NRXN1: variants seen among roughly 807,000 people sequenced by gnomAD.
The protein encoded by NRXN1 is neurexin 1, also known as neurexin-1.
In NRXN1, 39 loss-of-function variants were observed where a neutral mutation model predicts 150.9. The ratio of observed to expected loss-of-function variants is 0.26; its 90% CI spans 0.20 to 0.34. NRXN1 has a LOEUF of 0.34. Among genes scored for constraint, NRXN1 ranks in the 10% least tolerant of loss-of-function variants. The pLI, the probability that NRXN1 is intolerant of heterozygous loss-of-function variation, is 1.00. For missense variants in NRXN1, 1,815 were observed against 1,949.9 expected (o/e 0.93, Z 1.30); for synonymous variants, 924 against 757.0 (o/e 1.22, Z -3.62).
chr2:50,415,604 T>C (rs748832412), intron 17 of NRXN1, among the ~76,000 whole-genome samples: 2 of 152,200 alleles, frequency 1.3e-5, no homozygotes, highest in Non-Finnish European at 2.9e-5. Context: ...ACTGGAGGCA[T>C]GTGAAATATT....
chr2:50,495,882 GCT>G, intron 15 of NRXN1, 21 bp downstream of exon 15: 1 of 1,555,824 alleles, frequency 6.4e-7, no homozygotes, highest in Non-Finnish European at 8.7e-7. Context: ...AAGGCTCGTT[GCT>G]CTGACTTAAC....
intron 2 of NRXN1, among the ~76,000 whole-genome samples, chr2:51,020,058 G>GTT (rs553974870): frequency 6.9e-6 from 1 of 144,784 alleles, no homozygotes; most frequent in African/African-American, 2.5e-5. Context: ...AATTTGAAAG[G>GTT]TTTTTTTTTT....
chr2:50,831,888 G>A (rs1559326743), intron 5 of NRXN1, among the ~76,000 whole-genome samples: 2 of 152,162 alleles, frequency 1.3e-5, no homozygotes, highest in Non-Finnish European at 1.5e-5. Flanking sequence ...GTGCACAGAT[G>A]CACAGAGAAA....
chr2:50,735,228 T>G (rs1574287998), intron 5 of NRXN1, among the ~76,000 whole-genome samples: 1 of 152,142 alleles, frequency 6.6e-6, no homozygotes, highest in African/African-American at 2.4e-5. Flanking sequence ...TTATAATTTT[T>G]TTTTAATTTC....
intron 2 of NRXN1, among the ~76,000 whole-genome samples, chr2:51,004,064 T>TG (rs1227147419): frequency 7.1e-6 from 1 of 140,028 alleles, no homozygotes. Flanking sequence ...TGTGTGGTGG[T>TG]GGGGGAAAAA....
chr2:50,538,190 G>T, intron 10 of NRXN1, 63 bp downstream of exon 10: 1 of 1,547,562 alleles, frequency 6.5e-7, no homozygotes, highest in Admixed American at 1.8e-5. Context: ...GTGCAGGTTT[G>T]AGGTCAACAT....
intron 21 of NRXN1, among the ~76,000 whole-genome samples, chr2:50,021,204 A>G (rs1452500402): frequency 6.6e-6 from 1 of 152,206 alleles, no homozygotes; most frequent in Non-Finnish European, 1.5e-5. Flanking sequence ...AAATAGTGCT[A>G]ATGTGAAATA....
intron 19 of NRXN1, among the ~76,000 whole-genome samples, chr2:50,066,311 T>C (rs184660715): frequency 1.8e-3 from 274 of 152,154 alleles, no homozygotes; most frequent in Non-Finnish European, 2.9e-3. Flanking sequence ...AGGGGACAAA[T>C]GAGGAAAGTT....
chr2:50,579,096 TC>T (rs1449984756), intron 8 of NRXN1, among the ~76,000 whole-genome samples: 7 of 152,288 alleles, frequency 4.6e-5, no homozygotes, highest in Non-Finnish European at 1.0e-4. Flanking sequence ...AGTCATATGA[TC>T]CTAATCTTAA....
intron 8 of NRXN1, among the ~76,000 whole-genome samples, chr2:50,587,070 G>C (rs1384283231): frequency 6.6e-6 from 1 of 152,284 alleles, no homozygotes; most frequent in Non-Finnish European, 1.5e-5. Context: ...TCTCTACCCA[G>C]CTCCCTGACC....
chr2:50,242,783 C>G (rs1574693418), intron 17 of NRXN1, among the ~76,000 whole-genome samples: 1 of 151,692 alleles, frequency 6.6e-6, no homozygotes, highest in East Asian at 1.9e-4. Context: ...GGGCAGACAA[C>G]AGAATTGGCA....
intron 17 of NRXN1, among the ~76,000 whole-genome samples, chr2:50,255,977 G>C (rs930624871): frequency 6.6e-6 from 1 of 151,980 alleles, no homozygotes; most frequent in Admixed American, 6.6e-5. Context: ...ATGACTTTTG[G>C]GTAGATGCTA....
intron 17 of NRXN1, among the ~76,000 whole-genome samples, chr2:50,308,765 G>A (rs2074893561): frequency 6.6e-6 from 1 of 152,076 alleles, no homozygotes; most frequent in African/African-American, 2.4e-5. Flanking sequence ...CATTTTCATT[G>A]ACAGGCATCA....
chr2:50,358,770 C>T lies in NRXN1; in HGVS notation c.3364+106672G>A, dbSNP rs1472365372. On this transcript the variant is annotated intron_variant, in intron 17 of 22. Coordinates refer to ENST00000401669, the MANE Select transcript of NRXN1 (RefSeq NM_001330078.2). ...GCCTTCTCAAGTGGGTCCCTGATCC[C>T]CATGTCTCCTGATGGGGAGACACCT... Among the ~76,000 whole-genome samples the T allele has an allele frequency of 2.0e-5, 3 of 152,210 alleles. No individual in the cohort carries two copies. The East Asian group carries it at 5.8e-4, about 29-fold the overall frequency.
chr2:50,003,020 T>A (rs1413085677), intron 21 of NRXN1, among the ~76,000 whole-genome samples: 1 of 152,052 alleles, frequency 6.6e-6, no homozygotes, highest in Non-Finnish European at 1.5e-5. Context: ...TGATTTAGAG[T>A]CTGGGCCAAA....
intron 17 of NRXN1, among the ~76,000 whole-genome samples, chr2:50,354,379 T>C (rs888556541): frequency 4.0e-5 from 6 of 151,850 alleles, no homozygotes; most frequent in African/African-American, 9.7e-5. Flanking sequence ...TTGCTAGCTA[T>C]GTGGCCTTGG....
At chr2:50,535,310 A>G (rs72882071) in intron 10 of NRXN1, among the ~76,000 whole-genome samples, 7,188 of 152,308 alleles carry the variant, frequency 0.047, 567 homozygotes, top group African/African-American at 0.16. Flanking sequence ...ACCAGTTTCA[A>G]CTTTGTCTTC....
At chr2:50,483,839 G>C (rs2090666532) in intron 15 of NRXN1, among the ~76,000 whole-genome samples, 1 of 152,146 alleles carries the variant, frequency 6.6e-6, no homozygotes, top group Admixed American at 6.5e-5. Context: ...GATAAATAGG[G>C]AACAAGTAGC....
chr2:50,841,930 G>A (rs1015859296), intron 5 of NRXN1, among the ~76,000 whole-genome samples: 3 of 152,142 alleles, frequency 2.0e-5, no homozygotes, highest in East Asian at 1.9e-4. Context: ...AAGGAACAAA[G>A]TCTGTGTATG....
Sources: allele counts gnomAD v4.1 joint callset (sites outside exome capture counted in the v4.1 genomes callset), GRCh38; gene constraint gnomAD v4.1.1; transcripts MANE v1.5; gene names NCBI Gene and HGNC (gene_info 2026-07-23, HGNC 2026-07-21).